Variants in FHIT observed in about 807,000 individuals in gnomAD.
The protein encoded by FHIT is fragile histidine triad diadenosine triphosphatase.
In FHIT, 19 loss-of-function variants were observed where a neutral mutation model predicts 17.9. That is an observed-to-expected ratio of 1.06 (90% CI 0.74 to 1.56). The LOEUF is 1.56. FHIT is among the 40% of genes most tolerant of loss of function. FHIT has a pLI of 0.00. For missense variants in FHIT, 248 were observed against 189.2 expected, an observed-to-expected ratio of 1.31 and a Z score of -1.82; for synonymous variants, 81 against 69.7, an observed-to-expected ratio of 1.16 and a Z score of -0.81.
At chr3:61,100,882 C>A (rs1338544208) in intron 2 of FHIT, among the ~76,000 whole-genome samples, 19 of 152,148 alleles carry the variant, frequency 1.2e-4, no homozygotes, top group Non-Finnish European at 1.5e-5. Flanking sequence ...CTGTTCATAT[C>A]CTTTGCCCAC....
intron 3 of FHIT, among the ~76,000 whole-genome samples, chr3:60,953,841 C>A (rs529143999): frequency 2.1e-4 from 32 of 152,340 alleles, no homozygotes; most frequent in African/African-American, 7.7e-4. Context: ...TATTGATTCC[C>A]TGCTGGTCTT....
At chr3:60,278,921 T>C (rs1464816093) in intron 5 of FHIT, among the ~76,000 whole-genome samples, 1 of 151,848 alleles carries the variant, frequency 6.6e-6, no homozygotes, top group Non-Finnish European at 1.5e-5. Context: ...ACTGAACACA[T>C]ATATCAAAAA....
At chr3:60,273,452 C>A (rs1400708524) in intron 5 of FHIT, among the ~76,000 whole-genome samples, 6 of 151,314 alleles carry the variant, frequency 4.0e-5, no homozygotes, top group African/African-American at 4.9e-5. Context: ...ACTAAAAATA[C>A]AAAAAAAATT....
At chr3:60,196,723 A>G (rs73099404) in intron 5 of FHIT, among the ~76,000 whole-genome samples, 8,742 of 152,176 alleles carry the variant, frequency 0.057, 327 homozygotes, top group Non-Finnish European at 0.079. Flanking sequence ...ACATACATAT[A>G]TAACATATAT....
intron 3 of FHIT, among the ~76,000 whole-genome samples, chr3:60,876,917 A>G (rs746737440): frequency 1.3e-5 from 2 of 152,048 alleles, no homozygotes; most frequent in Non-Finnish European, 2.9e-5. Flanking sequence ...AAACATCACA[A>G]CTCCACCACC....
intron 5 of FHIT, among the ~76,000 whole-genome samples, chr3:60,127,542 C>A (rs1705610356): frequency 6.6e-6 from 1 of 152,158 alleles, no homozygotes; most frequent in African/African-American, 2.4e-5. Context: ...TACTAAGTTA[C>A]TCTCCAGAAA....
rs79383278 is a variant in FHIT at position 59,758,662 on chromosome 3, G to C, written c.349-6341C>G. Among the ~76,000 whole-genome samples the C allele has an allele frequency of 6.4e-3, 974 of 152,218 alleles. 7 individuals are homozygous for C. The highest frequency in any genetic ancestry group is 0.022 in the African/African-American group (907 of 41,538). ...GGCTAGAATATAATAAGATTGTTTT[G>C]TTTAGATCATATTTATTTTTAGGGA... On this transcript the variant is annotated intron_variant, in intron 8 of 9. Transcript: ENST00000492590.
chr3:60,105,857 A>C (rs550496609), intron 5 of FHIT, among the ~76,000 whole-genome samples: 10 of 152,336 alleles, frequency 6.6e-5, no homozygotes, highest in Admixed American at 5.2e-4. Flanking sequence ...AAAATTAGTA[A>C]TGAGAGATGA....
At chr3:60,543,998 T>A (rs1436291801) in intron 4 of FHIT, among the ~76,000 whole-genome samples, 5 of 145,736 alleles carry the variant, frequency 3.4e-5, no homozygotes, top group Non-Finnish European at 6.0e-5. Flanking sequence ...GACCTCATGA[T>A]CCACCCATCT....
At chr3:60,200,672 A>C (rs201635093) in intron 5 of FHIT, among the ~76,000 whole-genome samples, 1 of 28,936 alleles carries the variant, frequency 3.5e-5, no homozygotes, top group African/African-American at 1.0e-4. Context: ...CTTTTGGGGG[A>C]AAAAAAAAAA....
chr3:60,650,419 T>C (rs1553687985), intron 4 of FHIT, among the ~76,000 whole-genome samples: 3 of 152,194 alleles, frequency 2.0e-5, no homozygotes, highest in Non-Finnish European at 2.9e-5. Context: ...TAGCCAGGAC[T>C]AAAGCCGAGG....
chr3:61,127,796 GGAGGCGGAGACTGCAGT>G (rs1184994885), intron 2 of FHIT, among the ~76,000 whole-genome samples: 1 of 152,054 alleles, frequency 6.6e-6, no homozygotes, highest in African/African-American at 2.4e-5. Context: ...CTTGAAACCA[GGAGGCGGAGACTGCAGT>G]GAGTCGAGAT....
intron 5 of FHIT, among the ~76,000 whole-genome samples, chr3:60,171,672 A>T (rs1216842356): frequency 2.0e-5 from 3 of 151,966 alleles, no homozygotes; most frequent in African/African-American, 7.3e-5. Context: ...TCCTTCCTTC[A>T]TTCCACATTC....
At chr3:60,949,765 C>A (rs970404497) in intron 3 of FHIT, among the ~76,000 whole-genome samples, 4 of 151,972 alleles carry the variant, frequency 2.6e-5, no homozygotes, top group Non-Finnish European at 4.4e-5. Context: ...TTGCAGATTT[C>A]TTTTTTAAAA....
chr3:60,825,029 C>A (rs1702065405), intron 3 of FHIT, among the ~76,000 whole-genome samples: 1 of 152,106 alleles, frequency 6.6e-6, no homozygotes, highest in South Asian at 2.1e-4. Context: ...GACTAGTTAA[C>A]ATGAAAAAGA....
rs1207781548 is a variant in FHIT, at chr3:60,690,939, T to C, written c.-18+130980A>G. 2.6e-5 allele frequency among the ~76,000 whole-genome samples: 4 copies of C among 151,320 alleles called. No individual in the cohort carries two copies. The East Asian group carries it at 7.7e-4, about 29-fold the overall frequency. ...TTTTATAGCAATATTTTGTACCATA[T>C]AGTGTGGCCAAAAAAAAAATATCTG... On this transcript the variant is annotated intron_variant, in intron 4 of 9. Coordinates refer to ENST00000492590, the MANE Select transcript of FHIT (RefSeq NM_002012.4).
intron 5 of FHIT, among the ~76,000 whole-genome samples, chr3:60,270,999 A>G (rs1459871965): frequency 6.6e-6 from 1 of 152,176 alleles, no homozygotes; most frequent in African/African-American, 2.4e-5. Context: ...CTGGACCTAT[A>G]GGAGATTTTC....
At chr3:60,259,053 TAA>T (rs373077800) in intron 5 of FHIT, among the ~76,000 whole-genome samples, 26 of 141,234 alleles carry the variant, frequency 1.8e-4, no homozygotes, top group Admixed American at 2.1e-4. Context: ...CCTATTCAGT[TAA>T]AAAAAAAAAA....
At chr3:59,843,525 T>C (rs1217295060) in intron 8 of FHIT, among the ~76,000 whole-genome samples, 1 of 152,216 alleles carries the variant, frequency 6.6e-6, no homozygotes, top group African/African-American at 2.4e-5. Context: ...GAAAACAATA[T>C]TAAATCTTCT....
Sources: gnomAD v4.1 joint callset for allele counts (sites outside exome capture counted in the v4.1 genomes callset) on GRCh38, gnomAD v4.1.1 for gene constraint, MANE v1.5 for transcripts, NCBI Gene and HGNC (gene_info 2026-07-23, HGNC 2026-07-21) for gene names.